The following LANCL3 variants were observed in gnomAD, a reference collection of about 807,000 sequenced individuals.
LANCL3 encodes LanC like family member 3, also known as lanC-like protein 3.
LANCL3 carries 19 observed loss-of-function variants against 26.5 expected under a neutral mutation model. That is an observed-to-expected ratio of 0.72 (90% CI 0.50 to 1.05). The LOEUF (loss-of-function observed/expected upper bound fraction) is 1.05, where lower values mean the gene tolerates loss of function less well. LANCL3 is among the 50% of genes least tolerant of loss of function. The pLI, the probability that LANCL3 is intolerant of heterozygous loss-of-function variation, is 0.00. For synonymous variants in LANCL3, 160 were observed against 166.6 expected, an observed-to-expected ratio of 0.96 and a Z score of 0.30; for missense variants, 318 against 362.7, an observed-to-expected ratio of 0.88 and a Z score of 1.00.
intron 2 of LANCL3, among the ~76,000 whole-genome samples, chrX:37,657,399 G>C (rs1472956531): frequency 4.5e-5 from 5 of 111,521 alleles, no homozygotes; most frequent in Non-Finnish European, 9.4e-5. Context: ...GTCTTGCTCT[G>C]TCACCCAGGC....
intron 1 of LANCL3, among the ~76,000 whole-genome samples, chrX:37,638,425 C>T (rs1478557890): frequency 9.0e-6 from 1 of 111,582 alleles, no homozygotes; most frequent in Non-Finnish European, 1.9e-5. Flanking sequence ...TGTAATTCCT[C>T]TTCCCAGTAG....
chrX:37,634,248 T>C (rs781872123), intron 1 of LANCL3, among the ~76,000 whole-genome samples: 2 of 112,534 alleles, frequency 1.8e-5, no homozygotes, highest in Admixed American at 9.3e-5. Flanking sequence ...AGGTGCAGGA[T>C]ATAATCTCCT....
chrX:37,624,737 A>C (rs1925266394), intron 1 of LANCL3, among the ~76,000 whole-genome samples: 1 of 111,575 alleles, frequency 9.0e-6, no homozygotes, highest in African/African-American at 3.3e-5. Context: ...TGCTCTTCTT[A>C]TCTGCCTCCT....
At chrX:37,572,504 A>G in intron 1 of LANCL3, 61 bp downstream of exon 1, 1 of 1,001,502 alleles carries the variant, frequency 1.0e-6, no homozygotes, top group Non-Finnish European at 1.4e-6. Context: ...CTTTCCCCGG[A>G]CTCCGTGGCT....
At chrX:37,583,547 G>T (rs1184553752) in intron 1 of LANCL3, among the ~76,000 whole-genome samples, 2 of 111,417 alleles carry the variant, frequency 1.8e-5, no homozygotes, top group African/African-American at 6.5e-5. Flanking sequence ...CTTGTAAGTT[G>T]GACTCCTAGG....
chrX:37,646,584 T>TA (rs1406183950), intron 1 of LANCL3, among the ~76,000 whole-genome samples: 7 of 112,484 alleles, frequency 6.2e-5, no homozygotes, highest in African/African-American at 1.9e-4. Flanking sequence ...CTGGGAATTT[T>TA]AAAAAATAAG....
chrX:37,593,123 A>G lies in LANCL3; in HGVS notation c.573+20680A>G, dbSNP rs782374542. Among the ~76,000 whole-genome samples the G allele has an allele frequency of 3.6e-5, 4 of 111,639 alleles. No homozygotes were observed. The East Asian group carries it at 1.1e-3, about 31-fold the overall frequency. ...GTCTCCAAAAAGATACCCTTTTTGTAGTTTGTCAAAAAGAGGGAATGAACC... is the reference window on the plus strand; with the variant it reads ...GTCTCCAAAAAGATACCCTTTTTGTGGTTTGTCAAAAAGAGGGAATGAACC... On this transcript the variant is annotated intron_variant, in intron 1 of 4. Coordinates refer to ENST00000378619, the MANE Select transcript of LANCL3 (RefSeq NM_001170331.2).
In LANCL3 at chrX:37,683,196, C is replaced by T. The variant is rs1569471914; in HGVS notation, c.*7383C>T. ...GTATCATTGAAAAAAACAAAGCTCA[C>T]CTTCCTAATGATACATTTCACAAAC... On this transcript the variant is annotated 3_prime_UTR_variant, in exon 5 of 5. Coordinates refer to ENST00000378619, the MANE Select transcript of LANCL3 (RefSeq NM_001170331.2). 9.0e-6 allele frequency: 1 copy of T among 111,432 alleles called. No homozygotes were observed. Among genetic ancestry groups the T allele is most frequent in the Non-Finnish European group, 1.9e-5 (1 of 53,008 alleles). 9.2% of individuals were successfully genotyped at this position (111,432 alleles called of 1,213,427 possible).
intron 1 of LANCL3, among the ~76,000 whole-genome samples, chrX:37,576,733 G>A (rs782744363): frequency 8.9e-6 from 1 of 111,849 alleles, no homozygotes; most frequent in Non-Finnish European, 1.9e-5. Flanking sequence ...TCTTAGGGAT[G>A]TAATCAGGAA....
At chrX:37,658,663 T>C (rs1180522931) in intron 2 of LANCL3, among the ~76,000 whole-genome samples, 2 of 112,238 alleles carry the variant, frequency 1.8e-5, no homozygotes, top group African/African-American at 6.5e-5. Context: ...ATACTCCTGG[T>C]ACACATTGCT....
At chrX:37,664,570 CACTTTT>C (rs782789846) in intron 3 of LANCL3, among the ~76,000 whole-genome samples, 74 of 110,668 alleles carry the variant, frequency 6.7e-4, no homozygotes, top group Middle Eastern at 4.7e-3. Context: ...TTATTTTCTC[CACTTTT>C]ACTTTGATTC....
At chrX:37,604,732 G>A (rs185983124) in intron 1 of LANCL3, among the ~76,000 whole-genome samples, 6 of 112,475 alleles carry the variant, frequency 5.3e-5, no homozygotes, top group Non-Finnish European at 7.5e-5. Flanking sequence ...GTGTTGCACC[G>A]TCACTTCTGC....
intron 1 of LANCL3, among the ~76,000 whole-genome samples, chrX:37,587,271 C>T (rs1375922590): frequency 1.8e-4 from 20 of 112,621 alleles, no homozygotes; most frequent in African/African-American, 5.2e-4. Flanking sequence ...GCAGTCTGTC[C>T]GTTCTCAGAT....
intron 1 of LANCL3, among the ~76,000 whole-genome samples, chrX:37,603,936 T>C (rs1249742267): frequency 6.2e-5 from 7 of 112,325 alleles, no homozygotes; most frequent in African/African-American, 2.3e-4. Context: ...TTATCTCACC[T>C]CTACAAAATG....
intron 3 of LANCL3, among the ~76,000 whole-genome samples, chrX:37,660,757 C>G (rs1448460150): frequency 1.8e-5 from 2 of 111,187 alleles, no homozygotes; most frequent in African/African-American, 3.3e-5. Context: ...TTTAATCCAA[C>G]TATAATTTCA....
rs1452464252 is a variant in LANCL3 at position 37,676,506 on chromosome X, T to C, written c.*693T>C. On this transcript the variant is annotated 3_prime_UTR_variant, in exon 5 of 5. Transcript: ENST00000378619. ...TTCCTTTTTTTTCCTCAAAGCTCAA[T>C]TAGAATAGCAAAATTTATAAGCTAG... is the stretch of plus-strand genomic sequence containing the variant. 8.9e-6 allele frequency: 1 copy of C among 111,912 alleles called. No homozygotes were observed. Among genetic ancestry groups the C allele is most frequent in the Admixed American group, 9.5e-5 (1 of 10,527 alleles). 9.2% of individuals were successfully genotyped at this position (111,912 alleles called of 1,213,427 possible). A position where few individuals can be genotyped will look rare whatever the true frequency, so the allele number is the denominator to read the frequency against.
intron 1 of LANCL3, among the ~76,000 whole-genome samples, chrX:37,577,726 A>G (rs1923790175): frequency 1.8e-5 from 2 of 112,104 alleles, no homozygotes; most frequent in Admixed American, 1.9e-4. Flanking sequence ...TACTACTAAC[A>G]GAAAACCTAA....
rs1283021053 is a variant in LANCL3, at chrX:37,680,235, C to T, written c.*4422C>T. On this transcript the variant is annotated 3_prime_UTR_variant, in exon 5 of 5. Transcript: ENST00000378619. ...TGGTGGTGGCATTTATCCTGCTTCC[C>T]CTCCATAAATAAACCTGGTAATTTT... 2 of 110,908 alleles carry T rather than the reference C, an allele frequency of 1.8e-5. No individual in the cohort carries two copies. The highest frequency in any genetic ancestry group is 3.8e-5 in the Non-Finnish European group (2 of 52,959). The allele number at this position is 110,908 out of a possible 1,213,427, so 9.1% of individuals were successfully genotyped here. A position where few individuals can be genotyped will look rare whatever the true frequency, so the allele number is the denominator to read the frequency against.
intron 1 of LANCL3, among the ~76,000 whole-genome samples, chrX:37,586,772 C>T (rs1276572518): frequency 1.4e-4 from 16 of 112,015 alleles, no homozygotes; most frequent in Admixed American, 1.2e-3. Context: ...GAAGTTTGAT[C>T]GTCTGAAGCC....
Sources: allele counts gnomAD v4.1 joint callset (sites outside exome capture counted in the v4.1 genomes callset), GRCh38; gene constraint gnomAD v4.1.1; transcripts MANE v1.5; gene names NCBI Gene and HGNC (gene_info 2026-07-23, HGNC 2026-07-21).